The following DNAH7 variants were observed in gnomAD, a reference collection of about 807,000 sequenced individuals.
The protein encoded by DNAH7 is axonemal beta dynein heavy chain 7.
Under a neutral mutation model 444.6 loss-of-function variants are expected in DNAH7, and 397 were observed. That is an observed-to-expected ratio of 0.89 (90% CI 0.82 to 0.97). DNAH7 has a LOEUF of 0.97. Among genes scored for constraint, DNAH7 ranks in the 50% least tolerant of loss-of-function variants. The pLI, the probability that DNAH7 is intolerant of heterozygous loss-of-function variation, is 0.00. For synonymous variants in DNAH7, 1,636 were observed against 1,624.4 expected (o/e 1.01, Z -0.17); for missense variants, 4,902 against 4,800.8 (o/e 1.02, Z -0.62).
chr2:195,743,959 T>G (rs1434795590), intron 63 of DNAH7, among the ~76,000 whole-genome samples: 1 of 152,214 alleles, frequency 6.6e-6, no homozygotes, highest in Admixed American at 6.5e-5. Flanking sequence ...GATTTCTGCA[T>G]TTCCATCTGA....
At chr2:196,017,312 C>T (rs1695093635) in intron 9 of DNAH7, among the ~76,000 whole-genome samples, 2 of 152,108 alleles carry the variant, frequency 1.3e-5, no homozygotes, top group South Asian at 2.1e-4. Flanking sequence ...AACACTTGGC[C>T]CCAAAGTGCT....
intron 9 of DNAH7, among the ~76,000 whole-genome samples, chr2:196,014,100 G>C (rs1694871966): frequency 6.6e-6 from 1 of 152,144 alleles, no homozygotes; most frequent in Non-Finnish European, 1.5e-5. Flanking sequence ...TCTGCAGATA[G>C]CATTACCCAT....
rs1441113008 is a variant in DNAH7, at chr2:195,853,521, A to T, written c.8603T>A (p.Leu2868His). ...AGCTCGTTCTAGTTTTTTGCTGCAA[A>T]GGTCAACCTCGAAAATAAAAGTGAG... Reference protein sequence around the residue: ...KKADLENQVDLCSKKLERAEQ... With the variant: ...KKADLENQVDHCSKKLERAEQ... The change falls in exon 46 of 65, where the codon CTT (leucine) becomes CAT (histidine). Residue 2868 changes from leucine to histidine, a missense_variant. Leu to His is a moderately conservative substitution (Grantham distance 99, BLOSUM62 -3). Transcript: ENST00000312428. The T allele has an allele frequency of 6.2e-7, 1 of 1,607,046 alleles. No homozygotes were observed. The highest frequency in any genetic ancestry group is 1.1e-5 in the South Asian group (1 of 89,876).
intron 5 of DNAH7, among the ~76,000 whole-genome samples, chr2:196,041,251 T>TAAC (rs749235955): frequency 2.9e-4 from 44 of 151,570 alleles, no homozygotes; most frequent in East Asian, 1.5e-3. Flanking sequence ...CCCTAATCCT[T>TAAC]AACAACAACA....
intron 55 of DNAH7, 60 bp from the exon 56 acceptor site, chr2:195,796,797 G>GT (rs1049707213): frequency 2.0e-5 from 30 of 1,527,084 alleles, no homozygotes; most frequent in Admixed American, 1.2e-4. Context: ...CATCAATATT[G>GT]TTTTTTTAAA....
intron 2 of DNAH7, among the ~76,000 whole-genome samples, chr2:196,051,970 C>T (rs948684746): frequency 6.6e-6 from 1 of 152,136 alleles, no homozygotes; most frequent in Non-Finnish European, 1.5e-5. Flanking sequence ...CTAGTCTGTA[C>T]GTAAGTCCTG....
At chr2:195,862,072 G>A in intron 41 of DNAH7, 126 bp from the exon 42 acceptor site, 3 of 727,640 alleles carry the variant, frequency 4.1e-6, no homozygotes, top group Non-Finnish European at 6.8e-6. Flanking sequence ...TGGTGTGGGA[G>A]AGACAATTTC....
intron 45 of DNAH7, among the ~76,000 whole-genome samples, chr2:195,855,288 C>T (rs1299396663): frequency 6.6e-6 from 1 of 152,156 alleles, no homozygotes; most frequent in East Asian, 1.9e-4. Context: ...CAAATGGTAT[C>T]ACTAATTAAG....
intron 47 of DNAH7, among the ~76,000 whole-genome samples, chr2:195,834,600 A>C (rs1020914826): frequency 6.6e-6 from 1 of 152,242 alleles, no homozygotes; most frequent in African/African-American, 2.4e-5. Context: ...TTTTTGGAAA[A>C]TTACATTTTC....
Position 195,881,815 on chromosome 2 carries a change from C to A in DNAH7, c.5941G>T (p.Gly1981Trp). 6.2e-7 allele frequency: 1 copy of A among 1,613,992 alleles called. No homozygotes were observed. Among genetic ancestry groups the A allele is most frequent in the South Asian group, 1.1e-5 (1 of 91,080 alleles). Reference sequence around the variant, plus strand: ...CTTACCGTAATGTAAACACTTTTCCCAGTTCCTGTTGGTCCTACAAATATT... The same window carrying A: ...CTTACCGTAATGTAAACACTTTTCCAAGTTCCTGTTGGTCCTACAAATATT... ...PSIFVGPTGT[G>W]KSVYITNFLL... The change falls in exon 36 of 65, where the codon GGG (glycine) becomes TGG (tryptophan). Residue 1981 changes from glycine to tryptophan, a missense_variant. Gly to Trp is a radical substitution (Grantham distance 184, BLOSUM62 -2). Coordinates refer to ENST00000312428, the MANE Select transcript of DNAH7 (RefSeq NM_018897.3).
intron 21 of DNAH7, among the ~76,000 whole-genome samples, chr2:195,930,700 G>T (rs1306543761): frequency 6.6e-6 from 1 of 152,016 alleles, no homozygotes; most frequent in East Asian, 1.9e-4. Flanking sequence ...AAAATAAATT[G>T]TTCTACCAAA....
chr2:195,904,092 C>A (rs914224342), intron 27 of DNAH7: 1 of 152,076 alleles, frequency 6.6e-6, no homozygotes, highest in Non-Finnish European at 1.5e-5. Context: ...TGGAGTTGAC[C>A]ACAGAGATCC....
chr2:195,952,098 CT>C (rs1690298322), intron 19 of DNAH7, among the ~76,000 whole-genome samples: 1 of 152,128 alleles, frequency 6.6e-6, no homozygotes, highest in Non-Finnish European at 1.5e-5. Flanking sequence ...TTAGTGCTTC[CT>C]TCAGGAGCTC....
At chr2:195,905,780 C>T (rs535542526) in intron 27 of DNAH7, 1 of 151,826 alleles carries the variant, frequency 6.6e-6, no homozygotes, top group South Asian at 2.1e-4. Context: ...GTGTTTTGTT[C>T]TTTTTCATTA....
At chr2:195,852,289 C>T (rs929787368) in intron 46 of DNAH7, among the ~76,000 whole-genome samples, 8 of 151,616 alleles carry the variant, frequency 5.3e-5, no homozygotes, top group African/African-American at 1.9e-4. Context: ...AAAAGAAAAA[C>T]ACCACCACCA....
chr2:195,871,102 G>C (rs1322663856), intron 40 of DNAH7, among the ~76,000 whole-genome samples: 1 of 152,146 alleles, frequency 6.6e-6, no homozygotes, highest in Non-Finnish European at 1.5e-5. Context: ...CACTTTTGGA[G>C]ACCTTGTTGT....
At chr2:195,822,102 T>A (rs532739533) in intron 49 of DNAH7, among the ~76,000 whole-genome samples, 2 of 152,360 alleles carry the variant, frequency 1.3e-5, no homozygotes, top group East Asian at 3.9e-4. Flanking sequence ...AAGCAATTTT[T>A]AAAATTGAGC....
chr2:195,864,477 T>TG lies in DNAH7; in HGVS notation c.7177dup (p.Gln2393ProfsTer12). 6.2e-7 allele frequency: 1 copy of TG among 1,614,232 alleles called. No homozygotes were observed. On this transcript the variant is annotated frameshift_variant, in exon 41 of 65. Coordinates refer to ENST00000312428, the MANE Select transcript of DNAH7 (RefSeq NM_018897.3). LOFTEE classifies it high-confidence loss of function. ...AGTATCTGTAAACAGGAAGACACCCTGCATCTCACCTTCCGCACATTTCCT... is the reference window on the plus strand; with the variant it reads ...AGTATCTGTAAACAGGAAGACACCCTGGCATCTCACCTTCCGCACATTTCCT...
intron 48 of DNAH7, among the ~76,000 whole-genome samples, chr2:195,828,468 C>T (rs1455387948): frequency 6.6e-6 from 1 of 151,768 alleles, no homozygotes; most frequent in Non-Finnish European, 1.5e-5. Context: ...GCCTGTAGTC[C>T]CAGCTACTCG....
Sources: allele counts gnomAD v4.1 joint callset (sites outside exome capture counted in the v4.1 genomes callset), GRCh38; gene constraint gnomAD v4.1.1; transcripts MANE v1.5; gene names NCBI Gene and HGNC (gene_info 2026-07-23, HGNC 2026-07-21).